The following GLI2 variants were observed in gnomAD, a reference collection of about 807,000 sequenced individuals.
GLI2 encodes GLI family zinc finger 2, also known as transcription activator GLI2.
In GLI2, 22 loss-of-function variants were observed where a neutral mutation model predicts 78.9. The observed-to-expected ratio is 0.28, with a 90% confidence interval of 0.20 to 0.40. GLI2 has a LOEUF of 0.40. Among genes scored for constraint, GLI2 ranks in the 10% least tolerant of loss-of-function variants. GLI2 has a pLI of 1.00. For synonymous variants in GLI2, 974 were observed against 963.7 expected (o/e 1.01, Z -0.20); for missense variants, 2,097 against 2,213.2 (o/e 0.95, Z 1.05).
At chr2:120,918,440 T>G (rs1679205288) in intron 2 of GLI2, among the ~76,000 whole-genome samples, 1 of 114,972 alleles carries the variant, frequency 8.7e-6, no homozygotes. Context: ...TAAATATTCT[T>G]TTTTTTTTTT....
At chr2:120,895,548 C>T (rs1677900763) in intron 2 of GLI2, among the ~76,000 whole-genome samples, 2 of 152,050 alleles carry the variant, frequency 1.3e-5, no homozygotes, top group African/African-American at 4.8e-5. Context: ...ACTAAAAATA[C>T]AAAAAGTAGC....
intron 3 of GLI2, among the ~76,000 whole-genome samples, chr2:120,935,192 G>C (rs920122884): frequency 7.9e-5 from 12 of 152,206 alleles, no homozygotes; most frequent in Non-Finnish European, 1.6e-4. Context: ...CCTGGGATGA[G>C]ATGCTGGGTG....
chr2:120,935,777 C>G (rs1223239480), intron 3 of GLI2, among the ~76,000 whole-genome samples: 1 of 152,184 alleles, frequency 6.6e-6, no homozygotes, highest in Non-Finnish European at 1.5e-5. Context: ...AGAATGCACT[C>G]GCTGGGCTGC....
At chr2:120,984,432 G>T (rs112382850) in intron 11 of GLI2, 39 bp from the exon 12 acceptor site, 1 of 1,610,168 alleles carries the variant, frequency 6.2e-7, no homozygotes, top group South Asian at 1.1e-5. Flanking sequence ...GTTGATCCTC[G>T]TACCCCTATC....
At chr2:120,978,711 G>A in intron 10 of GLI2, 128 bp downstream of exon 10, 2 of 1,028,612 alleles carry the variant, frequency 1.9e-6, no homozygotes, top group Admixed American at 4.2e-5. Context: ...CAGGGGCTCT[G>A]GGACAGGAGC....
intron 8 of GLI2, among the ~76,000 whole-genome samples, chr2:120,973,532 C>T (rs890069343): frequency 3.3e-5 from 5 of 152,222 alleles, no homozygotes; most frequent in African/African-American, 1.2e-4. Context: ...CAAGGACTCC[C>T]TGACTCATTT....
intron 2 of GLI2, among the ~76,000 whole-genome samples, chr2:120,841,888 T>TGTGTGTGTGTGTGTGTGTGTGTGTGTGA (rs768879101): frequency 2.0e-5 from 3 of 150,790 alleles, no homozygotes; most frequent in Non-Finnish European, 3.0e-5. Flanking sequence ...TGTGTGTGTG[T>TGTGTGTGTGTGTGTGTGTGTGTGTGTGA]GATGCTGGGC....
At chr2:120,867,779 G>A (rs1386184923) in intron 2 of GLI2, among the ~76,000 whole-genome samples, 1 of 152,204 alleles carries the variant, frequency 6.6e-6, no homozygotes, top group African/African-American at 2.4e-5. Flanking sequence ...CAGGGAGGCT[G>A]TGCTGGGCCT....
At chr2:120,789,875 AG>A (rs1257355619) in intron 1 of GLI2, among the ~76,000 whole-genome samples, 12 of 152,240 alleles carry the variant, frequency 7.9e-5, no homozygotes, top group African/African-American at 2.9e-4. Context: ...TTTAAGTGAA[AG>A]CAAGGTTCGA....
chr2:120,893,513 A>C (rs893887351), intron 2 of GLI2, among the ~76,000 whole-genome samples: 1 of 152,182 alleles, frequency 6.6e-6, no homozygotes, highest in Admixed American at 6.5e-5. Context: ...TCCCCTATAG[A>C]AAACCAGGAA....
chr2:120,982,665 C>T (rs759964441), intron 10 of GLI2, 51 bp from the exon 11 acceptor site: 11 of 1,556,890 alleles, frequency 7.1e-6, no homozygotes, highest in Non-Finnish European at 9.6e-6. Flanking sequence ...CAGCCGGCCT[C>T]AAGGTTGGGC....
At chr2:120,804,590 C>T (rs1303027406) in intron 2 of GLI2, among the ~76,000 whole-genome samples, 1 of 146,766 alleles carries the variant, frequency 6.8e-6, no homozygotes, top group Non-Finnish European at 1.5e-5. Context: ...GGACCTGATG[C>T]ACCCAGGTGT....
intron 1 of GLI2, among the ~76,000 whole-genome samples, chr2:120,745,069 G>C (rs535496950): frequency 1.9e-4 from 29 of 152,224 alleles, no homozygotes; most frequent in Non-Finnish European, 3.4e-4. Flanking sequence ...CTCCAAAACA[G>C]CTCTTAGAAG....
intron 3 of GLI2, among the ~76,000 whole-genome samples, chr2:120,942,826 C>CCTCA (rs565153832): frequency 1.4e-5 from 2 of 144,626 alleles, no homozygotes; most frequent in Admixed American, 6.7e-5. Flanking sequence ...TCGTTCACGC[C>CCTCA]CTCACTCATT....
chr2:120,798,252 C>T (rs1382091138), intron 2 of GLI2, among the ~76,000 whole-genome samples: 3 of 152,232 alleles, frequency 2.0e-5, no homozygotes, highest in East Asian at 1.9e-4. Flanking sequence ...CCTTTTCTTC[C>T]GGCGGGCGCT....
intron 12 of GLI2, 97 bp downstream of exon 12, chr2:120,984,840 C>T: frequency 8.0e-7 from 1 of 1,251,418 alleles, no homozygotes; most frequent in South Asian, 1.2e-5. Context: ...CTAAGGCCCC[C>T]CTCTAGGGGC....
chr2:120,764,611 C>T (rs1248496780), intron 1 of GLI2, among the ~76,000 whole-genome samples: 2 of 152,170 alleles, frequency 1.3e-5, no homozygotes, highest in African/African-American at 2.4e-5. Flanking sequence ...AACAGGGTTG[C>T]CCAGAGTTTG....
chr2:120,858,588 C>G (rs1231952565), intron 2 of GLI2, among the ~76,000 whole-genome samples: 1 of 152,200 alleles, frequency 6.6e-6, no homozygotes, highest in Non-Finnish European at 1.5e-5. Flanking sequence ...TGCTGAGTTG[C>G]TGGAGGGCAG....
chr2:120,883,987 G>T (rs564050406), intron 2 of GLI2, among the ~76,000 whole-genome samples: 1 of 152,172 alleles, frequency 6.6e-6, no homozygotes, highest in Non-Finnish European at 1.5e-5. Flanking sequence ...GCACCCTTCC[G>T]CAGGCCACCC....
Sources: gnomAD v4.1 joint callset for allele counts (sites outside exome capture counted in the v4.1 genomes callset) on GRCh38, gnomAD v4.1.1 for gene constraint, MANE v1.5 for transcripts, NCBI Gene and HGNC (gene_info 2026-07-23, HGNC 2026-07-21) for gene names.